ALK: variants seen among roughly 807,000 people sequenced by gnomAD.
The protein encoded by ALK is ALK receptor tyrosine kinase.
A neutral mutation model predicts 163.1 loss-of-function variants in ALK; 74 were observed. The ratio of observed to expected loss-of-function variants is 0.45; its 90% CI spans 0.38 to 0.55. The LOEUF (loss-of-function observed/expected upper bound fraction) is 0.55. Among genes scored for constraint, ALK ranks in the 20% least tolerant of loss-of-function variants. ALK has a pLI of 0.00. For missense variants in ALK, 2,063 were observed against 2,105.3 expected (o/e 0.98, Z 0.39); for synonymous variants, 960 against 843.2 (o/e 1.14, Z -2.40).
intron 1 of ALK, among the ~76,000 whole-genome samples, chr2:29,902,904 C>T (rs908794785): frequency 2.0e-5 from 3 of 152,198 alleles, no homozygotes. Flanking sequence ...ATAATGCTCA[C>T]AGTGCTTTTG....
intron 3 of ALK, among the ~76,000 whole-genome samples, chr2:29,671,010 G>A (rs376958524): frequency 1.9e-4 from 29 of 152,072 alleles, no homozygotes; most frequent in African/African-American, 7.0e-4. Context: ...TCACTGTATT[G>A]TTGCTTTGTC....
At chr2:29,755,079 A>AAG (rs373352094) in intron 1 of ALK, among the ~76,000 whole-genome samples, 99,099 of 151,854 alleles carry the variant, frequency 0.65, 35,986 homozygotes, top group East Asian at 0.82. Flanking sequence ...CAGCTTCTCT[A>AAG]AGGGTACCAA....
intron 24 of ALK, among the ~76,000 whole-genome samples, chr2:29,211,632 A>C (rs947070804): frequency 2.0e-4 from 31 of 152,254 alleles, no homozygotes; most frequent in African/African-American, 7.5e-4. Context: ...GTGGAAGTCC[A>C]TGAATCTTAA....
chr2:29,366,516 G>T (rs942050840), intron 5 of ALK, among the ~76,000 whole-genome samples: 1 of 152,334 alleles, frequency 6.6e-6, no homozygotes, highest in East Asian at 1.9e-4. Context: ...GGTCGAGAGG[G>T]TGTGGGCAGA....
chr2:29,287,613 A>T (rs1256405056), intron 9 of ALK, among the ~76,000 whole-genome samples: 1 of 152,136 alleles, frequency 6.6e-6, no homozygotes, highest in Non-Finnish European at 1.5e-5. Context: ...GCAAACAAAA[A>T]GTCAGTAAGG....
intron 1 of ALK, among the ~76,000 whole-genome samples, chr2:29,772,143 T>C (rs971623498): frequency 1.3e-5 from 2 of 151,862 alleles, no homozygotes; most frequent in African/African-American, 2.4e-5. Context: ...GAAGATGAGA[T>C]TGGTGGGATG....
intron 4 of ALK, among the ~76,000 whole-genome samples, chr2:29,493,899 G>A (rs965249701): frequency 1.3e-5 from 2 of 152,226 alleles, no homozygotes; most frequent in African/African-American, 4.8e-5. Flanking sequence ...ACGGCCTCAA[G>A]CACAATGAAG....
chr2:29,382,127 C>G (rs2148300184), intron 5 of ALK, among the ~76,000 whole-genome samples: 1 of 152,308 alleles, frequency 6.6e-6, no homozygotes, highest in South Asian at 2.1e-4. Flanking sequence ...CCCCAGGTAT[C>G]TGGGCCAAGC....
intron 4 of ALK, among the ~76,000 whole-genome samples, chr2:29,512,454 A>C (rs1362457183): frequency 6.7e-6 from 1 of 149,006 alleles, no homozygotes; most frequent in East Asian, 1.9e-4. Context: ...ACAAGACTTC[A>C]TGCTAAAAAC....
intron 1 of ALK, among the ~76,000 whole-genome samples, chr2:29,751,523 G>A (rs1454405467): frequency 6.6e-6 from 1 of 152,122 alleles, no homozygotes; most frequent in Non-Finnish European, 1.5e-5. Context: ...TTTATGGAGT[G>A]TGAGCATCTC....
At chr2:29,477,544 A>G (rs1445839905) in intron 4 of ALK, among the ~76,000 whole-genome samples, 1 of 152,158 alleles carries the variant, frequency 6.6e-6, no homozygotes, top group South Asian at 2.1e-4. Flanking sequence ...GAGGTGCTAT[A>G]TGATTCTTTA....
intron 1 of ALK, among the ~76,000 whole-genome samples, chr2:29,726,292 T>G (rs1012891244): frequency 6.6e-6 from 1 of 152,112 alleles, no homozygotes. Flanking sequence ...AAGCCTATTT[T>G]CTCCCCCCAA....
chr2:29,291,209 TTTTA>T (rs1666013447), intron 9 of ALK, among the ~76,000 whole-genome samples: 1 of 151,782 alleles, frequency 6.6e-6, no homozygotes, highest in South Asian at 2.1e-4. Context: ...CAATTTTTTT[TTTTA>T]ATTAGCTGGG....
At chr2:29,296,738 T>C in intron 9 of ALK, 150 bp downstream of exon 9, 2 of 796,520 alleles carry the variant, frequency 2.5e-6, no homozygotes, top group Non-Finnish European at 4.1e-6. Context: ...TGTGTGTGTG[T>C]GTGCACGTGC....
At chr2:29,296,207 A>T (rs62130616) in intron 9 of ALK, among the ~76,000 whole-genome samples, 1 of 152,168 alleles carries the variant, frequency 6.6e-6, no homozygotes, top group Non-Finnish European at 1.5e-5. Flanking sequence ...GCTCAAAGTC[A>T]CAGAGGCCAT....
rs545894154 is a variant in ALK, at chr2:29,755,828, G to A, written c.668-38131C>T. 1.2e-3 allele frequency among the ~76,000 whole-genome samples: 184 copies of A among 152,198 alleles called. 1 individual carries two copies. The highest frequency in any genetic ancestry group is 2.1e-3 in the Non-Finnish European group (140 of 68,000). On this transcript the variant is annotated intron_variant, in intron 1 of 28. Coordinates refer to ENST00000389048, the MANE Select transcript of ALK (RefSeq NM_004304.5). The stretch of plus-strand genomic sequence containing the variant: ...AAACAGGGAGTGGCAAAAAAGAGTC[G>A]CAGCACCTCAAGCACCTGTGCCGCA...
At chr2:29,555,043 G>A (rs1673810516) in intron 3 of ALK, among the ~76,000 whole-genome samples, 1 of 152,114 alleles carries the variant, frequency 6.6e-6, no homozygotes, top group Non-Finnish European at 1.5e-5. Flanking sequence ...CCTTAAAAAA[G>A]GGCAACAGCA....
At chr2:29,555,549 C>T (rs1185359523) in intron 3 of ALK, among the ~76,000 whole-genome samples, 1 of 152,182 alleles carries the variant, frequency 6.6e-6, no homozygotes, top group Non-Finnish European at 1.5e-5. Flanking sequence ...GTTCTCTCCA[C>T]CCCTGCCCTC....
intron 1 of ALK, among the ~76,000 whole-genome samples, chr2:29,777,751 G>A (rs1203766239): frequency 6.6e-6 from 1 of 152,182 alleles, no homozygotes; most frequent in African/African-American, 2.4e-5. Context: ...AAGGTGCTAT[G>A]TTCTGCCAAG....
Sources: gnomAD v4.1 joint callset for allele counts (sites outside exome capture counted in the v4.1 genomes callset) on GRCh38, gnomAD v4.1.1 for gene constraint, MANE v1.5 for transcripts, NCBI Gene and HGNC (gene_info 2026-07-23, HGNC 2026-07-21) for gene names.